CAPN11: variants seen among roughly 807,000 people sequenced by gnomAD.
CAPN11 encodes calpain-11.
In CAPN11, 108 loss-of-function variants were observed where a neutral mutation model predicts 105.3. The ratio of observed to expected loss-of-function variants is 1.03; its 90% CI spans 0.88 to 1.20. The LOEUF (loss-of-function observed/expected upper bound fraction) is 1.20, where lower values mean the gene tolerates loss of function less well. Ranked by LOEUF, CAPN11 falls within the 50% of genes most tolerant of loss-of-function variation. The pLI, the probability that CAPN11 is intolerant of heterozygous loss-of-function variation, is 0.00. For missense variants in CAPN11, 883 were observed against 924.8 expected, an observed-to-expected ratio of 0.95 and a Z score of 0.59; for synonymous variants, 329 against 344.5, an observed-to-expected ratio of 0.96 and a Z score of 0.50.
chr6:44,176,240 C>T lies in CAPN11; in HGVS notation c.916-13C>T, dbSNP rs1257949668. The T allele has an allele frequency of 1.3e-6, 2 of 1,490,306 alleles. No individual in the cohort carries two copies. The highest frequency in any genetic ancestry group is 3.1e-5 in the African/African-American group (2 of 65,056). The allele number at this position is 1,490,306 out of a possible 1,614,324, so 92.3% of individuals were successfully genotyped here. On this transcript the variant is annotated splice_polypyrimidine_tract_variant and intron_variant, in intron 8 of 22. Transcript: ENST00000398776. ...CCCATAACTCTGACCTTTAACCACCCCCGCCCACCCAGGTCCACTACAGAG... is the reference window on the plus strand; with the variant it reads ...CCCATAACTCTGACCTTTAACCACCTCCGCCCACCCAGGTCCACTACAGAG...
At chr6:44,173,416 C>T (rs1224216355) in intron 7 of CAPN11, 30 bp downstream of exon 7, 1 of 1,446,206 alleles carries the variant, frequency 6.9e-7, no homozygotes, top group Non-Finnish European at 9.5e-7. Flanking sequence ...ACCTCAGGGC[C>T]TTTGCACCTG....
chr6:44,169,400 CG>C lies in CAPN11; in HGVS notation c.209del (p.Arg70GlnfsTer5), dbSNP rs1676337233. ...TGGTAACCAGAGCTTTGAGGAGCTG[CG>C]AGCAGCCTGTCTAAGAAAGGGGGAG... is the stretch of plus-strand genomic sequence containing the variant. The part of the protein sequence containing the change: ...NFGNQSFEEL[R>X]AACLRKGELF... On this transcript the variant is annotated frameshift_variant, in exon 3 of 23. Coordinates refer to ENST00000398776, the MANE Select transcript of CAPN11 (RefSeq NM_007058.4). LOFTEE classifies it high-confidence loss of function. The C allele has an allele frequency of 6.2e-7, 1 of 1,613,844 alleles. No individual in the cohort carries two copies.
intron 5 of CAPN11, 120 bp from the exon 6 acceptor site, chr6:44,172,818 CCT>C: frequency 8.5e-7 from 1 of 1,170,684 alleles, no homozygotes; most frequent in Admixed American, 2.8e-5. Context: ...GTTGCCTTTC[CCT>C]CTCTATTCAG....
At chr6:44,176,193 A>ACGTCTCCCTGACC (rs1554131300) in intron 8 of CAPN11, 42 bp downstream of exon 8, 1 of 1,592,476 alleles carries the variant, frequency 6.3e-7, no homozygotes, top group East Asian at 2.2e-5. Context: ...GACCCTGAGA[A>ACGTCTCCCTGACC]GGAGGAGAAC....
At position 44,183,207 on chromosome 6, in the gene CAPN11, C is replaced by T. The variant is rs1210767225; in HGVS notation, c.2106C>T (p.Ser702=). ...TCATAGACTTTGACAGCTTCATCAGCTGTTTCCTGAGGCTAAAGACCATGT... is the reference window on the plus strand; with the variant it reads ...TCATAGACTTTGACAGCTTCATCAGTTGTTTCCTGAGGCTAAAGACCATGT... ...DLIIDFDSFI[S]CFLRLKTMFT... The change falls in exon 21 of 23, where the codon AGC becomes AGT. Residue 702 remains serine, a synonymous_variant. Coordinates refer to ENST00000398776, the MANE Select transcript of CAPN11 (RefSeq NM_007058.4). 1.1e-5 allele frequency: 18 copies of T among 1,612,486 alleles called. No homozygotes were observed. The highest frequency in any genetic ancestry group is 1.5e-5 in the Non-Finnish European group (18 of 1,178,544).
In CAPN11 at chr6:44,169,277, G is replaced by A; in HGVS notation, c.89-4G>A. On this transcript the variant is annotated splice_region_variant and splice_polypyrimidine_tract_variant and intron_variant, in intron 2 of 22. Coordinates refer to ENST00000398776, the MANE Select transcript of CAPN11 (RefSeq NM_007058.4). ...CGTTATTTCTCTTTTTTTTTCTTAA[G>A]CAGAGCCCACTTTTACTGATACGGG... The A allele has an allele frequency of 6.3e-7, 1 of 1,593,510 alleles. No individual in the cohort carries two copies. Among genetic ancestry groups the A allele is most frequent in the Non-Finnish European group, 8.5e-7 (1 of 1,171,434 alleles).
chr6:44,169,376 G>C lies in CAPN11; in HGVS notation c.184G>C (p.Gly62Arg). 1 of 1,614,004 alleles carries C rather than the reference G, an allele frequency of 6.2e-7. No homozygotes were observed. The highest frequency in any genetic ancestry group is 8.5e-7 in the Non-Finnish European group (1 of 1,179,892). The change falls in exon 3 of 23, where the codon GGT (glycine) becomes CGT (arginine). Residue 62 changes from glycine (G) to arginine (R), a missense_variant. Gly to Arg is a moderately radical substitution (Grantham distance 125, BLOSUM62 -2). Coordinates refer to ENST00000398776, the MANE Select transcript of CAPN11 (RefSeq NM_007058.4). ...CCAGCACGACAACGCCCAGAACTTT[G>C]GTAACCAGAGCTTTGAGGAGCTGCG... ...VGQHDNAQNF[G>R]NQSFEELRAA...
chr6:44,183,214 C>A lies in CAPN11; in HGVS notation c.2113C>A (p.Leu705Met). The change falls in exon 21 of 23, where the codon CTG (leucine) becomes ATG (methionine). Residue 705 changes from leucine (L) to methionine (M), a missense_variant. Coordinates refer to ENST00000398776, the MANE Select transcript of CAPN11 (RefSeq NM_007058.4). The part of the protein sequence containing the change: ...IDFDSFISCF[L>M]RLKTMFTFFL... ...CTTTGACAGCTTCATCAGCTGTTTC[C>A]TGAGGCTAAAGACCATGTTCAGTGA... 1 of 1,610,766 alleles carries A rather than the reference C, an allele frequency of 6.2e-7. No homozygotes were observed. Among genetic ancestry groups the A allele is most frequent in the South Asian group, 1.1e-5 (1 of 91,004 alleles).
At chr6:44,168,729 C>G (rs1770435827) in intron 2 of CAPN11, among the ~76,000 whole-genome samples, 1 of 152,140 alleles carries the variant, frequency 6.6e-6, no homozygotes, top group Non-Finnish European at 1.5e-5. Flanking sequence ...AAGCGATTCT[C>G]CTGCCTCAGC....
At chr6:44,162,484 G>A (rs1769061237) in intron 1 of CAPN11, among the ~76,000 whole-genome samples, 1 of 151,986 alleles carries the variant, frequency 6.6e-6, no homozygotes, top group Non-Finnish European at 1.5e-5. Flanking sequence ...GCTTGGGTTA[G>A]AAGAGACAGG....
chr6:44,164,624 G>A (rs1218797886), intron 1 of CAPN11, among the ~76,000 whole-genome samples: 1 of 152,188 alleles, frequency 6.6e-6, no homozygotes, highest in Non-Finnish European at 1.5e-5. Flanking sequence ...AGAGGAGGCA[G>A]CATCAAGCAG....
Position 44,166,699 on chromosome 6 carries a change from G to T in CAPN11, c.17-59G>T. On this transcript the variant is annotated intron_variant, in intron 1 of 22. Coordinates refer to ENST00000398776, the MANE Select transcript of CAPN11 (RefSeq NM_007058.4). ...CTTCCTACACCCCAGCCCCAGCTGGGCTCTGTTTAACTTTAGACCACAGCC... is the reference window on the plus strand; with the variant it reads ...CTTCCTACACCCCAGCCCCAGCTGGTCTCTGTTTAACTTTAGACCACAGCC... The T allele has an allele frequency of 2.3e-6, 3 of 1,295,304 alleles. No individual in the cohort carries two copies. The East Asian group carries it at 7.6e-5, about 33-fold the overall frequency. The allele number at this position is 1,295,304 out of a possible 1,614,324, so 80.2% of individuals were successfully genotyped here.
rs747297049 is a variant in CAPN11, at chr6:44,173,087, G to C, written c.662+14G>C. The stretch of plus-strand genomic sequence containing the variant: ...GGCGTATGCCAAGTGAGTGCTGGGA[G>C]CTGAGGAAGGGGGCTTGCCTTGCCT... On this transcript the variant is annotated intron_variant, in intron 6 of 22. Coordinates refer to ENST00000398776, the MANE Select transcript of CAPN11 (RefSeq NM_007058.4). 6.2e-7 allele frequency: 1 copy of C among 1,612,136 alleles called. No homozygotes were observed. Among genetic ancestry groups the C allele is most frequent in the East Asian group, 2.2e-5 (1 of 44,830 alleles).
At chr6:44,176,022 A>G (rs1443761697) in intron 7 of CAPN11, 46 bp from the exon 8 acceptor site, 18 of 1,356,344 alleles carry the variant, frequency 1.3e-5, no homozygotes, top group Non-Finnish European at 4.2e-6. Context: ...CAGGTCCTCC[A>G]TGCCCTCCAT....
Position 44,183,893 on chromosome 6 carries a change from CCT to C in CAPN11, c.2194-12_2194-11del. 1 of 1,560,132 alleles carries C rather than the reference CCT, an allele frequency of 6.4e-7. No individual in the cohort carries two copies. The highest frequency in any genetic ancestry group is 8.7e-7 in the Non-Finnish European group (1 of 1,151,574). On this transcript the variant is annotated splice_polypyrimidine_tract_variant and intron_variant, in intron 22 of 22. Coordinates refer to ENST00000398776, the MANE Select transcript of CAPN11 (RefSeq NM_007058.4). ...TCTCTTCCCACCCTGGGATCTGCTT[CCT>C]GTCTCCACAGTGGCTGCAGATGACC... is the stretch of plus-strand genomic sequence containing the variant.
At position 44,181,320 on chromosome 6, in the gene CAPN11, G is replaced by A; in HGVS notation, c.1938G>A (p.Met646Ile). 1 of 1,612,986 alleles carries A rather than the reference G, an allele frequency of 6.2e-7. No homozygotes were observed. Among genetic ancestry groups the A allele is most frequent in the Non-Finnish European group, 8.5e-7 (1 of 1,179,340 alleles). ...KILWKKLKKW[M>I]DIFRECDQDH... is the part of the protein sequence containing the mutation. ...TGTGGAAAAAACTCAAGAAATGGATGGTAAAGGGCACTAAAGGGGCAGCCT... is the reference window on the plus strand; with the variant it reads ...TGTGGAAAAAACTCAAGAAATGGATAGTAAAGGGCACTAAAGGGGCAGCCT... Residue 646 changes from methionine (M) to isoleucine (I), a missense_variant and splice_region_variant, in exon 19 of 23, where the codon ATG (methionine) becomes ATA (isoleucine). Met to Ile is a conservative substitution (Grantham distance 10, BLOSUM62 1). Coordinates refer to ENST00000398776, the MANE Select transcript of CAPN11 (RefSeq NM_007058.4).
At chr6:44,171,881 C>G (rs1466248456) in intron 4 of CAPN11, among the ~76,000 whole-genome samples, 2 of 152,156 alleles carry the variant, frequency 1.3e-5, no homozygotes, top group South Asian at 2.1e-4. Flanking sequence ...GCGTGGCCAA[C>G]ATGGTGAAAC....
chr6:44,180,723 T>G (rs772509835), intron 16 of CAPN11, 25 bp from the exon 17 acceptor site: 2 of 1,612,744 alleles, frequency 1.2e-6, no homozygotes, highest in Admixed American at 1.7e-5. Flanking sequence ...GGGGCCCGAG[T>G]GGGGTTCACA....
At chr6:44,162,313 G>C (rs992900872) in intron 1 of CAPN11, among the ~76,000 whole-genome samples, 1 of 151,450 alleles carries the variant, frequency 6.6e-6, no homozygotes, top group Admixed American at 6.6e-5. Flanking sequence ...ATCTGAAAGG[G>C]GCTCCACTGT....
Sources: gnomAD v4.1 joint callset for allele counts (sites outside exome capture counted in the v4.1 genomes callset) on GRCh38, gnomAD v4.1.1 for gene constraint, MANE v1.5 for transcripts, NCBI Gene and HGNC (gene_info 2026-07-23, HGNC 2026-07-21) for gene names.